The following CSMD1 variants were observed in gnomAD, a reference collection of about 807,000 sequenced individuals.
CSMD1 encodes the protein CUB and Sushi multiple domains 1.
A neutral mutation model predicts 417.5 loss-of-function variants in CSMD1; 213 were observed. The ratio of observed to expected loss-of-function variants is 0.51; its 90% CI spans 0.46 to 0.57. The LOEUF is 0.57. Among genes scored for constraint, CSMD1 ranks in the 20% least tolerant of loss-of-function variants. The pLI is 0.00. For missense variants in CSMD1, 6,923 were observed against 4,529.7 expected (o/e 1.53, Z -15.17); for synonymous variants, 2,862 against 1,736.8 (o/e 1.65, Z -16.11).
intron 54 of CSMD1, among the ~76,000 whole-genome samples, chr8:2,994,669 A>G (rs546251347): frequency 6.6e-6 from 1 of 152,362 alleles, no homozygotes; most frequent in East Asian, 1.9e-4. Context: ...AGCTACATAG[A>G]AACACACAGT....
intron 5 of CSMD1, among the ~76,000 whole-genome samples, chr8:3,858,486 C>G (rs1480899615): frequency 1.3e-5 from 2 of 151,992 alleles, no homozygotes; most frequent in Non-Finnish European, 2.9e-5. Flanking sequence ...ATAATAATTC[C>G]AACCATTTGT....
rs547679052 is a variant in CSMD1, at chr8:3,820,854, G to A, written c.819-66812C>T. ...TGACCTCGACCTCCCAAAGTGCTGG[G>A]ATTATAGGTCACAATGCCTTCTTCG... is the stretch of plus-strand genomic sequence containing the variant. On this transcript the variant is annotated intron_variant, in intron 5 of 69. Transcript: ENST00000635120. Among the ~76,000 whole-genome samples, 48 of 152,242 alleles carry A rather than the reference G, an allele frequency of 3.2e-4. 1 individual carries two copies. Among genetic ancestry groups the A allele is most frequent in the African/African-American group, 1.1e-3 (47 of 41,554 alleles).
At chr8:4,117,276 C>A (rs978671020) in intron 3 of CSMD1, among the ~76,000 whole-genome samples, 1 of 151,644 alleles carries the variant, frequency 6.6e-6, no homozygotes. Context: ...GGAACTCACT[C>A]GAAGCAGCAT....
chr8:4,249,692 C>T (rs577638687), intron 3 of CSMD1, among the ~76,000 whole-genome samples: 9 of 152,148 alleles, frequency 5.9e-5, no homozygotes, highest in African/African-American at 1.9e-4. Context: ...GCTGTTGTAG[C>T]GAAATAAAGC....
intron 2 of CSMD1, among the ~76,000 whole-genome samples, chr8:4,514,688 T>A (rs1224630540): frequency 6.6e-6 from 1 of 152,204 alleles, no homozygotes; most frequent in Non-Finnish European, 1.5e-5. Flanking sequence ...ATAGAGTACC[T>A]GGTACCTAAT....
chr8:4,765,686 G>A (rs1812416461), intron 1 of CSMD1, among the ~76,000 whole-genome samples: 1 of 152,200 alleles, frequency 6.6e-6, no homozygotes, highest in Non-Finnish European at 1.5e-5. Context: ...GCAAACGAAG[G>A]AGTGGCTAAT....
chr8:3,919,563 C>T (rs1329469742), intron 5 of CSMD1, among the ~76,000 whole-genome samples: 1 of 152,020 alleles, frequency 6.6e-6, no homozygotes, highest in Non-Finnish European at 1.5e-5. Context: ...GATATCAGGA[C>T]ATGTGATGCC....
chr8:4,034,402 C>A (rs183070250), intron 3 of CSMD1, among the ~76,000 whole-genome samples: 1 of 152,136 alleles, frequency 6.6e-6, no homozygotes, highest in African/African-American at 2.4e-5. Flanking sequence ...GAAAACACAA[C>A]AGAAAATAGT....
intron 7 of CSMD1, among the ~76,000 whole-genome samples, chr8:3,622,350 A>G (rs1796294693): frequency 6.6e-6 from 1 of 152,132 alleles, no homozygotes; most frequent in African/African-American, 2.4e-5. Flanking sequence ...GAAATAATAG[A>G]CTCTAGCTTG....
intron 6 of CSMD1, among the ~76,000 whole-genome samples, chr8:3,720,785 A>C (rs910684457): frequency 2.0e-5 from 3 of 152,100 alleles, no homozygotes; most frequent in African/African-American, 4.8e-5. Flanking sequence ...ACACGATCCA[A>C]AACAGCTTCA....
At chr8:3,200,689 T>A (rs1167990541) in intron 32 of CSMD1, among the ~76,000 whole-genome samples, 1 of 152,038 alleles carries the variant, frequency 6.6e-6, no homozygotes, top group Non-Finnish European at 1.5e-5. Context: ...CAGAGGACAA[T>A]GTGTTACTAA....
intron 7 of CSMD1, among the ~76,000 whole-genome samples, chr8:3,623,973 CA>C (rs1302884016): frequency 1.3e-5 from 2 of 150,236 alleles, no homozygotes; most frequent in Non-Finnish European, 3.0e-5. Flanking sequence ...CAAAACTCCA[CA>C]AAAAAACAAA....
chr8:4,968,261 AACT>A (rs1254943617), intron 1 of CSMD1, among the ~76,000 whole-genome samples: 2 of 108,822 alleles, frequency 1.8e-5, no homozygotes, highest in African/African-American at 7.1e-5. Flanking sequence ...ATGGAGAGCT[AACT>A]ACAAAGTCTG....
intron 17 of CSMD1, among the ~76,000 whole-genome samples, chr8:3,391,855 G>A (rs1238092605): frequency 1.3e-5 from 2 of 152,152 alleles, no homozygotes; most frequent in Non-Finnish European, 2.9e-5. Context: ...ATTTCAGAAA[G>A]CAAGGAGTGT....
At chr8:4,523,184 A>G (rs1288454185) in intron 2 of CSMD1, among the ~76,000 whole-genome samples, 1 of 152,160 alleles carries the variant, frequency 6.6e-6, no homozygotes, top group African/African-American at 2.4e-5. Context: ...TAGTAATTCA[A>G]AATAGGTCCT....
At chr8:4,513,543 T>C (rs1401664866) in intron 2 of CSMD1, among the ~76,000 whole-genome samples, 1 of 152,190 alleles carries the variant, frequency 6.6e-6, no homozygotes, top group African/African-American at 2.4e-5. Flanking sequence ...TTTCATGAAA[T>C]CTTCTAGAGA....
rs6982382 is a variant in CSMD1, at chr8:3,769,984, A to G, written c.819-15942T>C. On this transcript the variant is annotated intron_variant, in intron 5 of 69. Transcript: ENST00000635120. ...TTTGAAAGGCACTCTGTGAATTCAT[A>G]CAGTGACCTGCCTTTTTCTTCCTTT... Among the ~76,000 whole-genome samples, 1,207 of 152,340 alleles carry G rather than the reference A, an allele frequency of 7.9e-3. 9 individuals carry two copies. Among genetic ancestry groups the G allele is most frequent in the African/African-American group, 0.027 (1,135 of 41,576 alleles).
chr8:3,681,324 A>T (rs1456493455), intron 7 of CSMD1, among the ~76,000 whole-genome samples: 1 of 152,226 alleles, frequency 6.6e-6, no homozygotes, highest in Non-Finnish European at 1.5e-5. Context: ...TTAAGCTGAT[A>T]AGCAACTTCA....
chr8:4,687,008 C>G (rs1806429035), intron 1 of CSMD1, among the ~76,000 whole-genome samples: 1 of 152,228 alleles, frequency 6.6e-6, no homozygotes, highest in Non-Finnish European at 1.5e-5. Flanking sequence ...GATGCTGGCA[C>G]ATGGCACCAG....
Sources: gnomAD v4.1 joint callset for allele counts (sites outside exome capture counted in the v4.1 genomes callset) on GRCh38, gnomAD v4.1.1 for gene constraint, MANE v1.5 for transcripts, NCBI Gene and HGNC (gene_info 2026-07-23, HGNC 2026-07-21) for gene names.